FSTL4: variants seen among roughly 807,000 people sequenced by gnomAD.
The protein encoded by FSTL4 is follistatin-related protein 4.
Under a neutral mutation model 78.2 loss-of-function variants are expected in FSTL4, and 28 were observed. The ratio of observed to expected loss-of-function variants is 0.36; its 90% CI spans 0.27 to 0.49. FSTL4 has a LOEUF of 0.49. Ranked by LOEUF, FSTL4 falls within the 20% of genes least tolerant of loss-of-function variation. The probability of loss-of-function intolerance (pLI) is 0.98; values close to 1 mark genes in which losing one functional copy is unlikely to be tolerated. For synonymous variants in FSTL4, 422 were observed against 440.5 expected (o/e 0.96, Z 0.53); for missense variants, 922 against 1,084.9 (o/e 0.85, Z 2.11).
At chr5:133,355,114 C>G (rs1310735068) in intron 4 of FSTL4, among the ~76,000 whole-genome samples, 1 of 152,212 alleles carries the variant, frequency 6.6e-6, no homozygotes, top group Non-Finnish European at 1.5e-5. Context: ...AGCATCCTGA[C>G]AGGTGCTACT....
At chr5:133,777,440 T>C in the FSTL4 span, among the ~76,000 whole-genome samples, 6 of 151,416 alleles carry the variant, frequency 4.0e-5, no homozygotes, top group Non-Finnish European at 8.9e-5. Flanking sequence ...TTAACTTATG[T>C]CTTGTTATGA....
At chr5:133,286,869 G>A (rs554457690) in intron 6 of FSTL4, among the ~76,000 whole-genome samples, 2 of 152,290 alleles carry the variant, frequency 1.3e-5, no homozygotes, top group African/African-American at 4.8e-5. Flanking sequence ...GCTGCCCTCA[G>A]ACCACATCTC....
At chr5:133,813,390 A>G in the FSTL4 span, among the ~76,000 whole-genome samples, 2 of 152,204 alleles carry the variant, frequency 1.3e-5, no homozygotes, top group Admixed American at 1.3e-4. Flanking sequence ...CAAGGCTTCA[A>G]ACACCCAAGT....
At chr5:133,761,570 C>T in the FSTL4 span, among the ~76,000 whole-genome samples, 5 of 152,210 alleles carry the variant, frequency 3.3e-5, no homozygotes, top group African/African-American at 2.4e-5. Flanking sequence ...CTTCTTAGAA[C>T]ATGCACAGCC....
At chr5:133,449,848 G>C (rs1757347438) in intron 3 of FSTL4, among the ~76,000 whole-genome samples, 1 of 152,138 alleles carries the variant, frequency 6.6e-6, no homozygotes, top group Non-Finnish European at 1.5e-5. Flanking sequence ...ATGAAATGGA[G>C]GGCAAATTGG....
In FSTL4 at chr5:133,360,684, G is replaced by T. The variant is rs575364440; in HGVS notation, c.409+40054C>A. On this transcript the variant is annotated intron_variant, in intron 4 of 15. Coordinates refer to ENST00000265342, the MANE Select transcript of FSTL4 (RefSeq NM_015082.2). ...TTTTTATATTGTCCAATTATGCTCA[G>T]TAAAAATAAAAATAAGCTCATAGAA... 2.6e-5 allele frequency among the ~76,000 whole-genome samples: 4 copies of T among 152,160 alleles called. No individual in the cohort carries two copies. The East Asian group carries it at 7.7e-4, about 29-fold the overall frequency.
intron 3 of FSTL4, among the ~76,000 whole-genome samples, chr5:133,512,958 C>G (rs1403671842): frequency 6.6e-6 from 1 of 152,130 alleles, no homozygotes; most frequent in Non-Finnish European, 1.5e-5. Context: ...GCTGGGACTA[C>G]AGGCATGAGC....
At chr5:133,797,889 G>A in the FSTL4 span, among the ~76,000 whole-genome samples, 1 of 152,128 alleles carries the variant, frequency 6.6e-6, no homozygotes, top group Admixed American at 6.5e-5. Context: ...CCTGCTTCAA[G>A]TCTCAAGTCA....
At chr5:133,646,902 G>A in the FSTL4 span, among the ~76,000 whole-genome samples, 4 of 152,056 alleles carry the variant, frequency 2.6e-5, no homozygotes, top group African/African-American at 7.2e-5. Flanking sequence ...TACCATTTTC[G>A]TCGTTTTAGA....
chr5:133,438,494 C>T (rs1360364259), intron 3 of FSTL4, among the ~76,000 whole-genome samples: 1 of 152,146 alleles, frequency 6.6e-6, no homozygotes, highest in Non-Finnish European at 1.5e-5. Flanking sequence ...TATATGAAGT[C>T]CCTGAATTTA....
At chr5:133,655,883 C>T in the FSTL4 span, among the ~76,000 whole-genome samples, 3 of 152,024 alleles carry the variant, frequency 2.0e-5, no homozygotes, top group Admixed American at 1.3e-4. Flanking sequence ...TGAGATAGGC[C>T]GTTATTATTA....
At chr5:133,319,001 G>A (rs1039597726) in intron 4 of FSTL4, among the ~76,000 whole-genome samples, 4 of 152,214 alleles carry the variant, frequency 2.6e-5, no homozygotes, top group Non-Finnish European at 5.9e-5. Flanking sequence ...ACGGACTGGC[G>A]TCCCCCTGTG....
At chr5:133,479,135 G>A (rs1021075409) in intron 3 of FSTL4, among the ~76,000 whole-genome samples, 1 of 152,106 alleles carries the variant, frequency 6.6e-6, no homozygotes. Flanking sequence ...TTCCTTCCCA[G>A]CACTCATCAC....
chr5:133,805,533 C>T, the FSTL4 span, among the ~76,000 whole-genome samples: 1 of 152,244 alleles, frequency 6.6e-6, no homozygotes, highest in African/African-American at 2.4e-5. Context: ...CCTAAGATTC[C>T]CTGTTATTGC....
chr5:133,278,646 T>C lies in FSTL4; in HGVS notation c.728-29070A>G, dbSNP rs765899641. Among the ~76,000 whole-genome samples, 15 of 152,078 alleles carry C rather than the reference T, an allele frequency of 9.9e-5. No individual in the cohort carries two copies. In the South Asian group the frequency reaches 1.4e-3, roughly 15 times the overall value. ...GCATCAGGAAACCTCTTGGCGGACA[T>C]GAGAGGTGCAAGGAAGACCTCAGTG... On this transcript the variant is annotated intron_variant, in intron 6 of 15. Transcript: ENST00000265342.
chr5:133,554,429 T>C (rs1759747016), intron 3 of FSTL4, among the ~76,000 whole-genome samples: 1 of 152,238 alleles, frequency 6.6e-6, no homozygotes, highest in African/African-American at 2.4e-5. Context: ...TGGATGAGCA[T>C]TGAGCTAATA....
At chr5:133,649,862 G>T in the FSTL4 span, among the ~76,000 whole-genome samples, 7 of 152,002 alleles carry the variant, frequency 4.6e-5, no homozygotes, top group East Asian at 1.4e-3. Flanking sequence ...TCATTTCAAT[G>T]AAGTTCAGTA....
chr5:133,245,361 C>A (rs758137951), intron 7 of FSTL4, among the ~76,000 whole-genome samples: 1 of 152,166 alleles, frequency 6.6e-6, no homozygotes, highest in Non-Finnish European at 1.5e-5. Flanking sequence ...CTGGAAAAGG[C>A]GCTCCAGACT....
chr5:133,440,386 G>A lies in FSTL4; in HGVS notation c.161-39400C>T, dbSNP rs531968684. Among the ~76,000 whole-genome samples the A allele has an allele frequency of 2.6e-5, 4 of 152,344 alleles. No homozygotes were observed. The highest frequency in any genetic ancestry group is 5.9e-5 in the Non-Finnish European group (4 of 68,034). ...CTTGTGGAAGGCTCAGCATCTGTCA[G>A]CTTCTGCTCCACAGGCCCATGGGGA... On this transcript the variant is annotated intron_variant, in intron 3 of 15. Coordinates refer to ENST00000265342, the MANE Select transcript of FSTL4 (RefSeq NM_015082.2). The surrounding 1 kb of genome is among the most constrained non-coding windows in gnomAD (Gnocchi z 4.1).
Sources: gnomAD v4.1 joint callset for allele counts (sites outside exome capture counted in the v4.1 genomes callset) on GRCh38, gnomAD v4.1.1 for gene constraint, Gnocchi (gnomAD v3.1) non-coding constraint, MANE v1.5 for transcripts, NCBI Gene and HGNC (gene_info 2026-07-23, HGNC 2026-07-21) for gene names.